CMTR1: variants seen among roughly 807,000 people sequenced by gnomAD.
CMTR1 encodes the protein cap-specific mRNA (nucleoside-2'-O-)-methyltransferase 1.
CMTR1 carries 39 observed loss-of-function variants against 107.0 expected under a neutral mutation model. That is an observed-to-expected ratio of 0.36 (90% CI 0.28 to 0.48). The LOEUF (loss-of-function observed/expected upper bound fraction) is 0.48, where lower values mean the gene tolerates loss of function less well. Ranked by LOEUF, CMTR1 falls within the 20% of genes least tolerant of loss-of-function variation. CMTR1 has a pLI of 0.99. For synonymous variants in CMTR1, 366 were observed against 379.5 expected, an observed-to-expected ratio of 0.96 and a Z score of 0.41; for missense variants, 672 against 1,064.9, an observed-to-expected ratio of 0.63 and a Z score of 5.14.
intron 8 of CMTR1, among the ~76,000 whole-genome samples, chr6:37,455,179 G>A (rs777276183): frequency 5.3e-5 from 8 of 152,120 alleles, no homozygotes; most frequent in Non-Finnish European, 1.2e-4. Flanking sequence ...CCGCCTCTCG[G>A]GTTCACGTGA....
At chr6:37,427,297 T>G in the CMTR1 span, among the ~76,000 whole-genome samples, 1 of 152,216 alleles carries the variant, frequency 6.6e-6, no homozygotes, top group Non-Finnish European at 1.5e-5. The surrounding 1 kb of genome is among the most constrained non-coding windows in gnomAD (Gnocchi z 4.4). Flanking sequence ...TGCTTCCTAC[T>G]CTGCCATCTT....
chr6:37,450,450 T>C lies in CMTR1; in HGVS notation c.537+107T>C, dbSNP rs1208507090. 3.8e-6 allele frequency: 3 copies of C among 790,924 alleles called. No homozygotes were observed. In the Admixed American group the frequency reaches 6.1e-5, roughly 16 times the overall value. The allele number at this position is 790,924 out of a possible 1,614,324, so 49.0% of individuals were successfully genotyped here. ...TTGCAGTTTAAGAAAAATGTGAATC[T>C]GACCATTCATGTTGGTAGGAATAAA... On this transcript the variant is annotated intron_variant, in intron 5 of 23. Transcript: ENST00000373451.
At chr6:37,434,916 T>A (rs1771492489) in intron 1 of CMTR1, among the ~76,000 whole-genome samples, 1 of 152,212 alleles carries the variant, frequency 6.6e-6, no homozygotes, top group Non-Finnish European at 1.5e-5. Context: ...CCAGCTGGTT[T>A]CCACTCTTTT....
chr6:37,463,017 A>G lies in CMTR1; in HGVS notation c.1505+9A>G, dbSNP rs370783954. 3.2e-5 allele frequency: 51 copies of G among 1,612,518 alleles called. No individual in the cohort carries two copies. Among genetic ancestry groups the G allele is most frequent in the Admixed American group, 5.0e-5 (3 of 59,982 alleles). ...ATACGGTCCAATGAGAGGTAAGCCA[A>G]CGGGCTGGTTTTTGCTGGTAACACT... On this transcript the variant is annotated intron_variant, in intron 13 of 23. Coordinates refer to ENST00000373451, the MANE Select transcript of CMTR1 (RefSeq NM_015050.3).
Position 37,462,105 on chromosome 6 carries a change from G to A in CMTR1, c.1325+3G>A. The A allele has an allele frequency of 1.2e-6, 2 of 1,614,074 alleles. No individual in the cohort carries two copies. The highest frequency in any genetic ancestry group is 8.5e-7 in the Non-Finnish European group (1 of 1,180,000). On this transcript the variant is annotated splice_donor_region_variant and intron_variant, in intron 12 of 23. Transcript: ENST00000373451. ...AGCCGTCCTGCCAACTCAGAGAGGT[G>A]AAGCCTTTCTCTCTATATTAGCCAG...
At chr6:37,430,753 G>A (rs1771350437), upstream of CMTR1, among the ~76,000 whole-genome samples, 1 of 152,072 alleles carries the variant, frequency 6.6e-6, no homozygotes, top group African/African-American at 2.4e-5. Flanking sequence ...GTTGGCTCAC[G>A]CCTGTAATCC....
chr6:37,430,990 G>A (rs1004011382), upstream of CMTR1, among the ~76,000 whole-genome samples: 1 of 143,524 alleles, frequency 7.0e-6, no homozygotes, highest in Non-Finnish European at 1.5e-5. Context: ...TCCAGCCTGG[G>A]TGACAGAGCA....
chr6:37,476,094 C>T (rs1176344587), intron 19 of CMTR1, 32 bp from the exon 20 acceptor site: 1 of 1,610,374 alleles, frequency 6.2e-7, no homozygotes, highest in Admixed American at 1.7e-5. Context: ...GCATCCTTGG[C>T]TTGCCTCTCA....
intron 20 of CMTR1, among the ~76,000 whole-genome samples, 172 bp from the exon 21 acceptor site, chr6:37,477,420 A>G (rs1021501124): frequency 2.0e-5 from 3 of 152,194 alleles, no homozygotes; most frequent in Admixed American, 6.5e-5. Flanking sequence ...TTGTCTGTGT[A>G]GAACAGCCAT....
intron 5 of CMTR1, among the ~76,000 whole-genome samples, chr6:37,451,331 T>G (rs542583133): frequency 7.0e-4 from 106 of 152,300 alleles, no homozygotes; most frequent in Non-Finnish European, 1.4e-3. Context: ...ATTTTGGGGT[T>G]GCACTTGATA....
intron 13 of CMTR1, among the ~76,000 whole-genome samples, chr6:37,469,026 A>G (rs920624086): frequency 3.3e-5 from 5 of 152,228 alleles, no homozygotes; most frequent in Admixed American, 2.6e-4. Flanking sequence ...CAACATGGCA[A>G]AACTCCCTTC....
At chr6:37,428,170 A>AT in the CMTR1 span, among the ~76,000 whole-genome samples, 1 of 152,180 alleles carries the variant, frequency 6.6e-6, no homozygotes, top group South Asian at 2.1e-4. Flanking sequence ...AAGACCAAAA[A>AT]TTTTTTAGGA....
upstream of CMTR1, among the ~76,000 whole-genome samples, chr6:37,431,558 T>A (rs762581364): frequency 3.3e-5 from 5 of 152,012 alleles, no homozygotes; most frequent in Non-Finnish European, 5.9e-5. Context: ...CTGTACAGAG[T>A]TTACAGCTGA....
At chr6:37,455,163 C>T (rs1354765376) in intron 8 of CMTR1, among the ~76,000 whole-genome samples, 11 of 151,884 alleles carry the variant, frequency 7.2e-5, no homozygotes, top group Non-Finnish European at 2.9e-5. Flanking sequence ...CAGCTCACCT[C>T]AACCTCCGCC....
chr6:37,454,005 G>A (rs1761238127), intron 8 of CMTR1, among the ~76,000 whole-genome samples: 1 of 152,208 alleles, frequency 6.6e-6, no homozygotes, highest in Non-Finnish European at 1.5e-5. Context: ...CCCTTTTCAA[G>A]AAGTGGTAAA....
chr6:37,480,828 GC>G lies in CMTR1; in HGVS notation c.*686del. ...CTGATACCACATTGAGATCCTGGGA[GC>G]CCTCTTTTCGTACTGAGTATGGAGT... On this transcript the variant is annotated 3_prime_UTR_variant, in exon 24 of 24. Transcript: ENST00000373451. 9 of 1,134,274 alleles carry G rather than the reference GC, an allele frequency of 7.9e-6. No individual in the cohort carries two copies. The highest frequency in any genetic ancestry group is 4.1e-4 in the Middle Eastern group (1 of 2,448). 70.3% of individuals were successfully genotyped at this position (1,134,274 alleles called of 1,614,324 possible). A position where few individuals can be genotyped will look rare whatever the true frequency, so the allele number is the denominator to read the frequency against.
Position 37,472,328 on chromosome 6 carries a change from C to T in CMTR1, c.1621-91C>T. On this transcript the variant is annotated intron_variant, in intron 15 of 23. Transcript: ENST00000373451. The surrounding 1 kb of genome is among the most constrained non-coding windows in gnomAD (Gnocchi z 4.1). ...TTGTGTGCCATTCCTCCTCCCCAGT[C>T]TGACCCTATCTCCTCCACCTGCATA... 1 of 1,173,580 alleles carries T rather than the reference C, an allele frequency of 8.5e-7. No homozygotes were observed. Among genetic ancestry groups the T allele is most frequent in the Non-Finnish European group, 1.3e-6 (1 of 782,130 alleles). The allele number at this position is 1,173,580 out of a possible 1,614,324, so 72.7% of individuals were successfully genotyped here. A position where few individuals can be genotyped will look rare whatever the true frequency, so the allele number is the denominator to read the frequency against.
intron 8 of CMTR1, among the ~76,000 whole-genome samples, chr6:37,454,313 C>A (rs1265539737): frequency 2.0e-5 from 3 of 152,204 alleles, no homozygotes; most frequent in Non-Finnish European, 2.9e-5. Context: ...TAACTGCTTC[C>A]TCCTTGCTGG....
At chr6:37,466,042 A>G (rs972709361) in intron 13 of CMTR1, among the ~76,000 whole-genome samples, 1 of 148,946 alleles carries the variant, frequency 6.7e-6, no homozygotes, top group Non-Finnish European at 1.5e-5. Flanking sequence ...TTGGTGTTAT[A>G]TGCAGGAAAT....
Sources: allele counts gnomAD v4.1 joint callset (sites outside exome capture counted in the v4.1 genomes callset), GRCh38; gene constraint gnomAD v4.1.1; non-coding constraint Gnocchi (gnomAD v3.1); transcripts MANE v1.5; gene names NCBI Gene and HGNC (gene_info 2026-07-23, HGNC 2026-07-21).